Variants in HNRNPA1L2 observed in about 807,000 individuals in gnomAD.
The protein encoded by HNRNPA1L2 is heterogeneous nuclear ribonucleoprotein A1 like 2.
In HNRNPA1L2, 10 loss-of-function variants were observed where a neutral mutation model predicts 18.2. The observed-to-expected ratio is 0.55, with a 90% confidence interval of 0.34 to 0.93. HNRNPA1L2 has a LOEUF of 0.93. Ranked by LOEUF, HNRNPA1L2 falls within the 40% of genes least tolerant of loss-of-function variation. HNRNPA1L2 has a pLI of 0.02. For missense variants in HNRNPA1L2, 308 were observed against 394.4 expected, an observed-to-expected ratio of 0.78 and a Z score of 1.85; for synonymous variants, 124 against 138.6, an observed-to-expected ratio of 0.89 and a Z score of 0.74.
the HNRNPA1L2 span, among the ~76,000 whole-genome samples, chr13:52,619,846 G>A: frequency 6.7e-6 from 1 of 150,070 alleles, no homozygotes; most frequent in Non-Finnish European, 1.5e-5. Context: ...GCGTGAACCC[G>A]GGAGGCGGAG....
chr13:52,617,726 C>T, the HNRNPA1L2 span: 1 of 432,276 alleles, frequency 2.3e-6, no homozygotes, highest in Non-Finnish European at 4.2e-6. Flanking sequence ...CCTCGGGCAT[C>T]CCTGTGCCCC....
At chr13:52,626,044 T>A in the HNRNPA1L2 span, among the ~76,000 whole-genome samples, 1 of 152,012 alleles carries the variant, frequency 6.6e-6, no homozygotes, top group Non-Finnish European at 1.5e-5. Context: ...CCTCCCAGAG[T>A]GCTGGAATTA....
the HNRNPA1L2 span, among the ~76,000 whole-genome samples, chr13:52,621,075 T>A: frequency 6.6e-5 from 10 of 152,158 alleles, no homozygotes; most frequent in African/African-American, 2.4e-4. Context: ...TTACTGAAAC[T>A]AACACATTCA....
the HNRNPA1L2 span, among the ~76,000 whole-genome samples, chr13:52,630,223 G>A: frequency 1.3e-5 from 2 of 152,324 alleles, no homozygotes; most frequent in African/African-American, 2.4e-5. Flanking sequence ...AGTTGAGAAG[G>A]AGGAGCCAGA....
the HNRNPA1L2 span, among the ~76,000 whole-genome samples, chr13:52,632,869 G>T: frequency 2.0e-5 from 3 of 152,258 alleles, no homozygotes; most frequent in African/African-American, 7.2e-5. Flanking sequence ...ATGTTTTGAG[G>T]TATGTCCTGG....
chr13:52,623,546 C>G, the HNRNPA1L2 span, among the ~76,000 whole-genome samples: 17 of 152,234 alleles, frequency 1.1e-4, no homozygotes, highest in African/African-American at 4.1e-4. Context: ...GGTCCTACAT[C>G]AAAAGACTGG....
chr13:52,618,435 A>C, the HNRNPA1L2 span, among the ~76,000 whole-genome samples: 1 of 152,238 alleles, frequency 6.6e-6, no homozygotes, highest in Admixed American at 6.5e-5. Flanking sequence ...CTCAGAAGCC[A>C]GTTAAGTACA....
the HNRNPA1L2 span, among the ~76,000 whole-genome samples, chr13:52,625,107 T>G: frequency 6.6e-6 from 1 of 151,894 alleles, no homozygotes; most frequent in East Asian, 1.9e-4. Context: ...GAATAGATTG[T>G]TAAAAGATAC....
chr13:52,633,558 G>T, the HNRNPA1L2 span, among the ~76,000 whole-genome samples: 5 of 152,172 alleles, frequency 3.3e-5, no homozygotes, highest in Admixed American at 6.5e-5. Context: ...AAATAATGTT[G>T]TATATGGACT....
At chr13:52,635,831 G>GTT in the HNRNPA1L2 span, among the ~76,000 whole-genome samples, 526 of 131,720 alleles carry the variant, frequency 4.0e-3, 4 homozygotes, top group East Asian at 6.8e-3. Flanking sequence ...CTGTATTACT[G>GTT]TTTTTTTTTT....
Position 52,643,247 on chromosome 13 carries a change from G to A in HNRNPA1L2, c.755G>A (p.Ser252Asn). ...TATAATGGATTTGGTAATGATGGAAGCAATTTTGGAGGTGGTGGAAGCTAC... is the reference window on the plus strand; with the variant it reads ...TATAATGGATTTGGTAATGATGGAAACAATTTTGGAGGTGGTGGAAGCTAC... ...DGYNGFGNDG[S>N]NFGGGGSYND... The change falls in exon 1 of 1, where the codon AGC becomes AAC. Residue 252 changes from serine (S) to asparagine (N), a missense_variant. Physicochemically the swap from Ser to Asn is conservative, Grantham distance 46. Transcript: ENST00000357495. 1 of 1,595,168 alleles carries A rather than the reference G, an allele frequency of 6.3e-7. No homozygotes were observed. Among genetic ancestry groups the A allele is most frequent in the Non-Finnish European group, 8.5e-7 (1 of 1,177,716 alleles).
chr13:52,635,584 AC>A, the HNRNPA1L2 span, among the ~76,000 whole-genome samples: 22 of 40,286 alleles, frequency 5.5e-4, no homozygotes, highest in African/African-American at 1.8e-3. Flanking sequence ...CAACACACAC[AC>A]ACACACACAC....
the HNRNPA1L2 span, among the ~76,000 whole-genome samples, chr13:52,635,831 G>GCT: frequency 3.8e-5 from 5 of 131,784 alleles, no homozygotes; most frequent in Admixed American, 2.4e-4. Flanking sequence ...CTGTATTACT[G>GCT]TTTTTTTTTT....
At chr13:52,623,220 C>T in the HNRNPA1L2 span, among the ~76,000 whole-genome samples, 1 of 152,100 alleles carries the variant, frequency 6.6e-6, no homozygotes, top group Non-Finnish European at 1.5e-5. Flanking sequence ...TTTAAGGCTA[C>T]CAGACCTGTT....
chr13:52,619,253 A>G, the HNRNPA1L2 span, among the ~76,000 whole-genome samples: 4 of 151,886 alleles, frequency 2.6e-5, no homozygotes, highest in Non-Finnish European at 4.4e-5. Flanking sequence ...TTGGCCTCTC[A>G]AAGTGCTGGG....
chr13:52,624,138 G>A, the HNRNPA1L2 span, among the ~76,000 whole-genome samples: 180 of 152,196 alleles, frequency 1.2e-3, 4 homozygotes, highest in East Asian at 0.03. Flanking sequence ...TTTTTGAGAT[G>A]GAGTCTCGCT....
At chr13:52,623,678 A>G in the HNRNPA1L2 span, among the ~76,000 whole-genome samples, 1 of 152,166 alleles carries the variant, frequency 6.6e-6, no homozygotes, top group Non-Finnish European at 1.5e-5. Flanking sequence ...TCTTTGCTTC[A>G]TGAGGCACTG....
the HNRNPA1L2 span, chr13:52,621,902 A>G: frequency 6.6e-6 from 1 of 152,416 alleles, no homozygotes; most frequent in African/African-American, 2.4e-5. Context: ...AAAGGGCTTG[A>G]ATTGAAAAAA....
upstream of HNRNPA1L2, among the ~76,000 whole-genome samples, chr13:52,637,628 A>G (rs1380608127): frequency 6.6e-6 from 1 of 152,226 alleles, no homozygotes; most frequent in Non-Finnish European, 1.5e-5. Flanking sequence ...ATGAAATTCA[A>G]AAACCAAATT....
Sources: gnomAD v4.1 joint callset for allele counts (sites outside exome capture counted in the v4.1 genomes callset) on GRCh38, gnomAD v4.1.1 for gene constraint, MANE v1.5 for transcripts, NCBI Gene and HGNC (gene_info 2026-07-23, HGNC 2026-07-21) for gene names.